Variants in GRIK2 observed in about 807,000 individuals in gnomAD.
GRIK2 encodes the protein glutamate ionotropic receptor kainate type subunit 2.
In GRIK2, 32 loss-of-function variants were observed where a neutral mutation model predicts 100.3. The ratio of observed to expected loss-of-function variants is 0.32; its 90% CI spans 0.24 to 0.43. The LOEUF is 0.43. Among genes scored for constraint, GRIK2 ranks in the 20% least tolerant of loss-of-function variants. The pLI is 1.00. For missense variants in GRIK2, 843 were observed against 1,114.9 expected (o/e 0.76, Z 3.47); for synonymous variants, 417 against 389.4 (o/e 1.07, Z -0.83).
intron 2 of GRIK2, among the ~76,000 whole-genome samples, chr6:101,483,036 C>A (rs541096061): frequency 6.6e-6 from 1 of 152,292 alleles, no homozygotes; most frequent in Non-Finnish European, 1.5e-5. Flanking sequence ...TATATATTAG[C>A]TGTGCAATTT....
intron 7 of GRIK2, among the ~76,000 whole-genome samples, chr6:101,760,670 AATT>A (rs1777558576): frequency 1.6e-5 from 2 of 122,468 alleles, no homozygotes; most frequent in Non-Finnish European, 3.2e-5. Context: ...AATTATATAT[AATT>A]ATATATTTAA....
chr6:101,959,029 T>A (rs555593838), intron 14 of GRIK2, among the ~76,000 whole-genome samples: 2 of 152,116 alleles, frequency 1.3e-5, no homozygotes, highest in African/African-American at 4.8e-5. Flanking sequence ...ATCAGGGTGA[T>A]ACTGGCTTCA....
At chr6:102,031,116 C>G (rs1769968950) in intron 14 of GRIK2, among the ~76,000 whole-genome samples, 1 of 130,648 alleles carries the variant, frequency 7.7e-6, no homozygotes, top group Admixed American at 8.2e-5. Flanking sequence ...CACACACACA[C>G]ACACACACAC....
chr6:102,040,198 C>T lies in GRIK2; in HGVS notation c.2311+4632C>T, dbSNP rs1394067318. Among the ~76,000 whole-genome samples the T allele has an allele frequency of 2.0e-5, 3 of 151,348 alleles. No individual in the cohort carries two copies. The East Asian group carries it at 5.8e-4, about 29-fold the overall frequency. On this transcript the variant is annotated intron_variant, in intron 15 of 16. Coordinates refer to ENST00000369134, the MANE Select transcript of GRIK2 (RefSeq NM_021956.5). Reference sequence around the variant, plus strand: ...ATAAAGTGGACATATTTACAATGCCCTTTAATATGAAGATTAAATTTAAAA... The same window carrying T: ...ATAAAGTGGACATATTTACAATGCCTTTTAATATGAAGATTAAATTTAAAA...
intron 4 of GRIK2, among the ~76,000 whole-genome samples, chr6:101,662,409 A>C (rs1013964923): frequency 6.6e-6 from 1 of 152,218 alleles, no homozygotes; most frequent in Admixed American, 6.5e-5. Flanking sequence ...GAAACTGCCT[A>C]GATTTTTCTG....
chr6:101,849,485 A>G (rs981247254), intron 10 of GRIK2, among the ~76,000 whole-genome samples: 1 of 152,018 alleles, frequency 6.6e-6, no homozygotes, highest in Admixed American at 6.6e-5. Context: ...CTTCCTGAAA[A>G]GCATAATTGT....
intron 2 of GRIK2, among the ~76,000 whole-genome samples, chr6:101,602,524 A>G (rs977082728): frequency 3.2e-4 from 49 of 151,482 alleles, no homozygotes; most frequent in African/African-American, 1.1e-3. Context: ...TTTGAATTAT[A>G]CTGATTATCA....
intron 7 of GRIK2, among the ~76,000 whole-genome samples, chr6:101,687,840 G>A (rs1452086346): frequency 6.6e-6 from 1 of 151,062 alleles, no homozygotes; most frequent in East Asian, 1.9e-4. Flanking sequence ...TTTATTGAGA[G>A]GAAAATACCT....
At chr6:101,904,176 T>A (rs1288324463) in intron 12 of GRIK2, among the ~76,000 whole-genome samples, 1 of 151,442 alleles carries the variant, frequency 6.6e-6, no homozygotes, top group African/African-American at 2.4e-5. Context: ...ACTTCAATTT[T>A]TTTATCTTCA....
intron 7 of GRIK2, among the ~76,000 whole-genome samples, chr6:101,765,012 A>G (rs537048067): frequency 1.4e-4 from 22 of 152,230 alleles, no homozygotes; most frequent in African/African-American, 5.3e-4. Context: ...ATCTATGAGG[A>G]ACATTTTTCA....
At chr6:101,839,694 G>A (rs939370338) in intron 10 of GRIK2, among the ~76,000 whole-genome samples, 4 of 152,064 alleles carry the variant, frequency 2.6e-5, no homozygotes, top group Non-Finnish European at 5.9e-5. Context: ...CTGAATTATG[G>A]AAGACTCTAA....
At chr6:101,743,324 A>G (rs759858350) in intron 7 of GRIK2, among the ~76,000 whole-genome samples, 21 of 152,246 alleles carry the variant, frequency 1.4e-4, no homozygotes, top group Non-Finnish European at 1.3e-4. Context: ...TTTTAGCTAT[A>G]TAAGTTTTAA....
At chr6:101,828,484 A>G (rs986088699) in intron 10 of GRIK2, among the ~76,000 whole-genome samples, 2 of 151,796 alleles carry the variant, frequency 1.3e-5, no homozygotes, top group African/African-American at 4.8e-5. Flanking sequence ...AAATGAAAAG[A>G]TGGGTCTTCG....
At chr6:101,617,667 T>A (rs1779957919) in intron 2 of GRIK2, among the ~76,000 whole-genome samples, 1 of 151,818 alleles carries the variant, frequency 6.6e-6, no homozygotes, top group African/African-American at 2.4e-5. Flanking sequence ...GTGGTTTAAA[T>A]TTTCATTTTC....
At chr6:101,485,440 T>C (rs1269891688) in intron 2 of GRIK2, among the ~76,000 whole-genome samples, 1 of 152,188 alleles carries the variant, frequency 6.6e-6, no homozygotes, top group Non-Finnish European at 1.5e-5. Context: ...TTTTTCTTTA[T>C]AGGAACTTTG....
intron 2 of GRIK2, among the ~76,000 whole-genome samples, chr6:101,529,789 G>T (rs1775336273): frequency 6.6e-6 from 1 of 152,052 alleles, no homozygotes; most frequent in East Asian, 1.9e-4. Flanking sequence ...TTCAGAAGAA[G>T]GATGGAGATT....
Position 101,798,174 on chromosome 6 carries a change from T to A in GRIK2, c.952-1474T>A, listed in dbSNP as rs867630178. On this transcript the variant is annotated intron_variant, in intron 7 of 16. Coordinates refer to ENST00000369134, the MANE Select transcript of GRIK2 (RefSeq NM_021956.5). Reference sequence around the variant, plus strand: ...AACATAAATATTTTTAAGGCTCTCTTACGTTTTGTGCTGCAAAATTACCCT... The same window carrying A: ...AACATAAATATTTTTAAGGCTCTCTAACGTTTTGTGCTGCAAAATTACCCT... 2.6e-5 allele frequency among the ~76,000 whole-genome samples: 4 copies of A among 152,192 alleles called. No individual in the cohort carries two copies. In the East Asian group the frequency reaches 7.7e-4, roughly 29 times the overall value.
intron 2 of GRIK2, among the ~76,000 whole-genome samples, chr6:101,541,879 C>T (rs755012862): frequency 4.0e-5 from 6 of 150,924 alleles, no homozygotes; most frequent in Non-Finnish European, 5.9e-5. Context: ...TCCCACTCTC[C>T]CTCACTTCAT....
intron 10 of GRIK2, among the ~76,000 whole-genome samples, chr6:101,855,119 A>G (rs561229448): frequency 6.6e-6 from 1 of 152,268 alleles, no homozygotes; most frequent in Non-Finnish European, 1.5e-5. Context: ...GGATATCTAG[A>G]CCTTAAGGAA....
Sources: gnomAD v4.1 joint callset for allele counts (sites outside exome capture counted in the v4.1 genomes callset) on GRCh38, gnomAD v4.1.1 for gene constraint, MANE v1.5 for transcripts, NCBI Gene and HGNC (gene_info 2026-07-23, HGNC 2026-07-21) for gene names.